The following SLC22A25 variants were observed in gnomAD, a reference collection of about 807,000 sequenced individuals.
The protein encoded by SLC22A25 is MGI:2442751, MGI:2385316, MGI:3042283, MGI:3645714, MGI:3605624, MGI:2442750.
Under a neutral mutation model 45.9 loss-of-function variants are expected in SLC22A25, and 44 were observed. The observed-to-expected ratio is 0.96, with a 90% confidence interval of 0.75 to 1.23. The LOEUF (loss-of-function observed/expected upper bound fraction) is 1.23, where lower values mean the gene tolerates loss of function less well. Among genes scored for constraint, SLC22A25 ranks in the 50% most tolerant of loss-of-function variants. The probability of loss-of-function intolerance (pLI) is 0.00; values close to 1 mark genes in which losing one functional copy is unlikely to be tolerated. For synonymous variants in SLC22A25, 283 were observed against 238.6 expected (o/e 1.19, Z -1.72); for missense variants, 800 against 666.4 (o/e 1.20, Z -2.21).
chr11:63,228,445 C>G lies in SLC22A25; in HGVS notation c.506+16G>C, dbSNP rs1431635109. 1 of 1,552,268 alleles carries G rather than the reference C, an allele frequency of 6.4e-7. No individual in the cohort carries two copies. Among genetic ancestry groups the G allele is most frequent in the East Asian group, 2.2e-5 (1 of 44,530 alleles). On this transcript the variant is annotated intron_variant, in intron 5 of 11. Transcript: ENST00000306494. Reference sequence around the variant, plus strand: ...GAAAATACCCTTGAAGAGAGCTATGCTCCATAGACACTCACCTGTCTGACA... The same window carrying G: ...GAAAATACCCTTGAAGAGAGCTATGGTCCATAGACACTCACCTGTCTGACA...
At chr11:63,231,395 T>C (rs899360286) in intron 3 of SLC22A25, among the ~76,000 whole-genome samples, 3 of 152,268 alleles carry the variant, frequency 2.0e-5, no homozygotes, top group Non-Finnish European at 2.9e-5. Flanking sequence ...ATTTCTCTGA[T>C]GGCCAGTGGT....
At chr11:63,178,180 C>G (rs1008009103) in intron 9 of SLC22A25, among the ~76,000 whole-genome samples, 3 of 151,862 alleles carry the variant, frequency 2.0e-5, no homozygotes, top group Non-Finnish European at 2.9e-5. Flanking sequence ...TGTGGGCCAC[C>G]ACGCCCTGCC....
chr11:63,234,154 C>T (rs543735885), intron 3 of SLC22A25, among the ~76,000 whole-genome samples: 133 of 152,166 alleles, frequency 8.7e-4, no homozygotes, highest in South Asian at 1.7e-3. Context: ...CTATTAGGTC[C>T]GCTTGGTGCA....
At chr11:63,230,593 A>T (rs553243702) in intron 3 of SLC22A25, among the ~76,000 whole-genome samples, 1 of 152,218 alleles carries the variant, frequency 6.6e-6, no homozygotes, top group Non-Finnish European at 1.5e-5. Context: ...TTTAAAATGT[A>T]TACCTCATTG....
rs1207060532 is a variant in SLC22A25 at position 63,242,717 on chromosome 11, TGA to T, written c.-996+715_-996+716del. Among the ~76,000 whole-genome samples the T allele has an allele frequency of 3.9e-5, 6 of 152,210 alleles. No individual in the cohort carries two copies. In the South Asian group the frequency reaches 1.2e-3, roughly 32 times the overall value. ...TGTGCATCCTTCAATCTGATCAAGT[TGA>T]CACTCAATATTAACCCTCATAGACT... On this transcript the variant is annotated intron_variant, in intron 1 of 11. Transcript: ENST00000306494.
At chr11:63,191,436 C>T (rs1268565590) in intron 7 of SLC22A25, among the ~76,000 whole-genome samples, 4 of 152,128 alleles carry the variant, frequency 2.6e-5, no homozygotes, top group Non-Finnish European at 5.9e-5. Flanking sequence ...TTTCTGGGTG[C>T]CCTCTGTCAC....
chr11:63,165,782 C>A (rs958507960), intron 10 of SLC22A25, among the ~76,000 whole-genome samples: 3 of 152,184 alleles, frequency 2.0e-5, no homozygotes, highest in Non-Finnish European at 2.9e-5. Flanking sequence ...GAGAAACTAT[C>A]AGGAATAAAT....
chr11:63,162,701 A>G lies in SLC22A25; in HGVS notation c.*1123T>C, dbSNP rs768871378. Among the ~76,000 whole-genome samples the G allele has an allele frequency of 6.6e-6, 1 of 152,186 alleles. No homozygotes were observed. The highest frequency in any genetic ancestry group is 2.1e-4 in the South Asian group (1 of 4,832). On this transcript the variant is annotated 3_prime_UTR_variant, in exon 12 of 12. Coordinates refer to ENST00000306494, the MANE Select transcript of SLC22A25 (RefSeq NM_199352.6). ...CAAATGTTCTATTATGATTCCTTTT[A>G]AAGTGTTATGATTTTCTTCAAACTT...
At chr11:63,191,252 G>T (rs1008580752) in intron 7 of SLC22A25, among the ~76,000 whole-genome samples, 1 of 152,180 alleles carries the variant, frequency 6.6e-6, no homozygotes, top group African/African-American at 2.4e-5. Flanking sequence ...AATGGTGGGT[G>T]CCCCTCCCCC....
rs775278979 is a variant in SLC22A25, at chr11:63,229,341, G to A, written c.312C>T (p.Thr104=). 3 of 1,613,490 alleles carry A rather than the reference G, an allele frequency of 1.9e-6. No individual in the cohort carries two copies. The South Asian group carries it at 3.3e-5, about 18-fold the overall frequency. Residue 104 remains threonine (T), a synonymous_variant, in exon 4 of 12, where the codon ACC becomes ACT. Coordinates refer to ENST00000306494, the MANE Select transcript of SLC22A25 (RefSeq NM_199352.6). ...TATCTGGCTCACTCGTGTTGGGGAAGGTCCCATTCAGATGAATGAGCTTCC... is the reference window on the plus strand; with the variant it reads ...TATCTGGCTCACTCGTGTTGGGGAAAGTCCCATTCAGATGAATGAGCTTCC... ...PQWKLIHLNG[T]FPNTSEPDTE... is the part of the protein sequence containing the mutation.
At chr11:63,186,851 T>A (rs1207606922) in intron 7 of SLC22A25, among the ~76,000 whole-genome samples, 4 of 152,116 alleles carry the variant, frequency 2.6e-5, no homozygotes, top group African/African-American at 9.7e-5. Flanking sequence ...GATCAGATAG[T>A]TGTAGATATG....
intron 7 of SLC22A25, among the ~76,000 whole-genome samples, chr11:63,188,896 C>A (rs1050765956): frequency 6.6e-6 from 1 of 152,148 alleles, no homozygotes; most frequent in Non-Finnish European, 1.5e-5. Flanking sequence ...TTTGATTGCA[C>A]TGTGGTCTGA....
At position 63,196,968 on chromosome 11, in the gene SLC22A25, C is replaced by A. The variant is rs528190389; in HGVS notation, c.831-13151G>T. On this transcript the variant is annotated intron_variant, in intron 7 of 11. Transcript: ENST00000306494. ...CATTCCTATACAGCAATAACAGACA[C>A]ACAGAGAGCCAAACCATGAGTGAAC... 2.2e-3 allele frequency among the ~76,000 whole-genome samples: 324 copies of A among 147,220 alleles called. 1 individual carries two copies. Among genetic ancestry groups the A allele is most frequent in the African/African-American group, 8.1e-3 (302 of 37,172 alleles).
chr11:63,164,688 A>T, intron 10 of SLC22A25, 54 bp from the exon 11 acceptor site: 2 of 1,400,180 alleles, frequency 1.4e-6, no homozygotes, highest in Non-Finnish European at 2.0e-6. Context: ...AGGAATCAGC[A>T]TCTCCCAAGG....
chr11:63,212,471 G>A (rs1201612284), intron 7 of SLC22A25, among the ~76,000 whole-genome samples: 2 of 152,090 alleles, frequency 1.3e-5, no homozygotes, highest in Non-Finnish European at 2.9e-5. Context: ...TACACACCAT[G>A]GAATACTATG....
intron 8 of SLC22A25, among the ~76,000 whole-genome samples, chr11:63,182,992 T>C (rs775013729): frequency 1.3e-5 from 2 of 152,186 alleles, no homozygotes; most frequent in Non-Finnish European, 2.9e-5. Flanking sequence ...ATTCAGGCTG[T>C]GACCCTGACT....
At chr11:63,228,375 G>C in intron 5 of SLC22A25, 86 bp downstream of exon 5, 1 of 1,132,276 alleles carries the variant, frequency 8.8e-7, no homozygotes, top group Non-Finnish European at 1.3e-6. Flanking sequence ...AGGATAGTGT[G>C]ATTTCCAAAA....
At chr11:63,174,667 A>C (rs1434088723) in intron 9 of SLC22A25, among the ~76,000 whole-genome samples, 1 of 152,156 alleles carries the variant, frequency 6.6e-6, no homozygotes, top group East Asian at 1.9e-4. Context: ...GTAAAAATGC[A>C]TAACACGAGT....
chr11:63,201,944 C>G lies in SLC22A25; in HGVS notation c.830+15370G>C, dbSNP rs145939882. 4.2e-3 allele frequency among the ~76,000 whole-genome samples: 646 copies of G among 152,196 alleles called. 7 individuals carry two copies. Among genetic ancestry groups the G allele is most frequent in the African/African-American group, 0.015 (611 of 41,508 alleles). ...ATTTCTGCATTTCCAACTGAGGTACCTGGCTCATCTTATTGGGACTGGTTA... is the reference window on the plus strand; with the variant it reads ...ATTTCTGCATTTCCAACTGAGGTACGTGGCTCATCTTATTGGGACTGGTTA... On this transcript the variant is annotated intron_variant, in intron 7 of 11. Coordinates refer to ENST00000306494, the MANE Select transcript of SLC22A25 (RefSeq NM_199352.6).
Sources: allele counts gnomAD v4.1 joint callset (sites outside exome capture counted in the v4.1 genomes callset), GRCh38; gene constraint gnomAD v4.1.1; transcripts MANE v1.5; gene names NCBI Gene and HGNC (gene_info 2026-07-23, HGNC 2026-07-21).